Variants in SMARCA4 observed in about 807,000 individuals in gnomAD.
SMARCA4 encodes the protein SWI/SNF related BAF chromatin remodeling complex subunit ATPase 4, also known as SWI/SNF-related matrix-associated actin-dependent regulator of chromatin subfamily A member 4.
Under a neutral mutation model 193.9 loss-of-function variants are expected in SMARCA4, and 31 were observed. The observed-to-expected ratio is 0.16, with a 90% CI of 0.12 to 0.22. The LOEUF (loss-of-function observed/expected upper bound fraction) is 0.22. SMARCA4 is among the 10% of genes least tolerant of loss of function. The probability of loss-of-function intolerance (pLI) is 1.00; values close to 1 mark genes in which losing one functional copy is unlikely to be tolerated. For missense variants in SMARCA4, 1,148 were observed against 2,296.0 expected (o/e 0.50, Z 10.22); for synonymous variants, 942 against 933.1 (o/e 1.01, Z -0.17).
intron 34 of SMARCA4, among the ~76,000 whole-genome samples, chr19:11,061,377 C>T (rs539938769): frequency 1.3e-5 from 2 of 151,430 alleles, no homozygotes; most frequent in South Asian, 2.1e-4. Flanking sequence ...CCGAGAGGGC[C>T]GAGTGTGGTC....
intron 30 of SMARCA4, among the ~76,000 whole-genome samples, chr19:11,048,674 T>C (rs1396393944): frequency 1.3e-5 from 2 of 152,210 alleles, no homozygotes; most frequent in Non-Finnish European, 2.9e-5. Context: ...CACCCGCTGC[T>C]GTGTTGGGGC....
chr19:10,995,797 A>G (rs1204938002), intron 9 of SMARCA4: 2 of 360,004 alleles, frequency 5.6e-6, no homozygotes, highest in Non-Finnish European at 1.1e-5. Flanking sequence ...CTGATCATGA[A>G]GGGGAGCCTC....
intron 29 of SMARCA4, among the ~76,000 whole-genome samples, chr19:11,037,077 A>G (rs539925696): frequency 3.3e-4 from 51 of 152,360 alleles, no homozygotes; most frequent in Non-Finnish European, 6.2e-4. Context: ...TATTACAAAC[A>G]ATACTACCGT....
chr19:10,973,349 G>T (rs141173126), intron 1 of SMARCA4, among the ~76,000 whole-genome samples: 1 of 152,038 alleles, frequency 6.6e-6, no homozygotes, highest in Non-Finnish European at 1.5e-5. Context: ...CTCCCCTAAG[G>T]CAGAGAACCG....
intron 24 of SMARCA4, among the ~76,000 whole-genome samples, chr19:11,029,644 G>A (rs746829128): frequency 6.6e-6 from 1 of 152,240 alleles, no homozygotes; most frequent in African/African-American, 2.4e-5. Context: ...CTGGGCATGT[G>A]TAGGCTGGTG....
At position 11,039,566 on chromosome 19, in the gene SMARCA4, CTGG is replaced by C; in HGVS notation, c.4171-1734_4171-1732del. Reference sequence around the variant, plus strand: ...ACGTGCGTCAAAGGTGGGGAGAGTTCTGGTGGTGGGTGGCGCTGAGGGCTGCAC... The same window carrying C: ...ACGTGCGTCAAAGGTGGGGAGAGTTCTGGTGGGTGGCGCTGAGGGCTGCAC... On this transcript the variant is annotated intron_variant, in intron 29 of 34. Transcript: ENST00000344626. 6.4e-7 allele frequency: 1 copy of C among 1,563,420 alleles called. No homozygotes were observed. Among genetic ancestry groups the C allele is most frequent in the Non-Finnish European group, 8.7e-7 (1 of 1,149,292 alleles).
At chr19:11,039,685 T>A (rs1014356995) in intron 29 of SMARCA4, 5 of 440,910 alleles carry the variant, frequency 1.1e-5, no homozygotes, top group East Asian at 1.1e-4. Context: ...TATAATATAT[T>A]TTTTTAAATG....
chr19:10,999,952 G>A (rs1033944610), intron 11 of SMARCA4, among the ~76,000 whole-genome samples: 3 of 151,788 alleles, frequency 2.0e-5, no homozygotes, highest in Non-Finnish European at 4.4e-5. Flanking sequence ...GGGGCCGGGT[G>A]CGGTGGCTCA....
intron 30 of SMARCA4, among the ~76,000 whole-genome samples, chr19:11,056,829 G>A (rs558260245): frequency 9.1e-4 from 138 of 152,338 alleles, no homozygotes; most frequent in Non-Finnish European, 1.1e-3. Context: ...AGCCTGGCCC[G>A]TCTGCCCCTT....
rs750861625 is a variant in SMARCA4, at chr19:10,989,402, A to G, written c.1204A>G (p.Ile402Val). Residue 402 changes from isoleucine (I) to valine (V), a missense_variant, in exon 7 of 35, where the codon ATT (isoleucine) becomes GTT (valine). Around this residue, in one of 17 missense-constraint regions of SMARCA4, gnomAD observed 69 missense variants for 186.9 expected, o/e 0.37. Transcript: ENST00000344626. Reference sequence around the variant, plus strand: ...CGGGGATTTGCGAACCAAAGCGACCATTGAGCTCAAGGCCCTCAGGCTGCT... The same window carrying G: ...CGGGGATTTGCGAACCAAAGCGACCGTTGAGCTCAAGGCCCTCAGGCTGCT... ...LAGDLRTKATIELKALRLLNF... is the reference protein window; with the variant it reads ...LAGDLRTKATVELKALRLLNF... 1.9e-6 allele frequency: 3 copies of G among 1,614,072 alleles called. No homozygotes were observed. The highest frequency in any genetic ancestry group is 2.2e-5 in the East Asian group (1 of 44,898).
At chr19:11,002,940 G>C (rs1312812746) in intron 11 of SMARCA4, 89 bp from the exon 12 acceptor site, 2 of 1,476,402 alleles carry the variant, frequency 1.4e-6, no homozygotes, top group Non-Finnish European at 1.9e-6. Flanking sequence ...TGTGCAAACA[G>C]TTGAGTGGGT....
At chr19:10,991,575 A>T (rs748386322) in intron 8 of SMARCA4, among the ~76,000 whole-genome samples, 2 of 152,244 alleles carry the variant, frequency 1.3e-5, no homozygotes, top group African/African-American at 2.4e-5. Context: ...TCAAGCCAGG[A>T]TAGAGAGGAA....
chr19:11,000,258 C>T (rs1197520604), intron 11 of SMARCA4, among the ~76,000 whole-genome samples: 1 of 151,416 alleles, frequency 6.6e-6, no homozygotes, highest in African/African-American at 2.4e-5. Flanking sequence ...TACTTTGGAC[C>T]AGGTGTGGTG....
At position 11,058,483 on chromosome 19, in the gene SMARCA4, C is replaced by T. The variant is rs1180741675; in HGVS notation, c.4533+120C>T. 21 of 771,128 alleles carry T rather than the reference C, an allele frequency of 2.7e-5. No individual in the cohort carries two copies. The South Asian group carries it at 2.9e-4, about 11-fold the overall frequency. 47.8% of individuals were successfully genotyped at this position (771,128 alleles called of 1,614,324 possible). The stretch of plus-strand genomic sequence containing the variant: ...TGACCAGAAACCACCTAGGCGGTGC[C>T]TTGGGCTACCTGGTTAGGGACCTGG... On this transcript the variant is annotated intron_variant, in intron 31 of 34. Coordinates refer to ENST00000344626, the MANE Select transcript of SMARCA4 (RefSeq NM_003072.5). This position sits in a 1 kb window ranked among gnomAD's most constrained non-coding sequence, Gnocchi z 5.8.
At chr19:11,027,428 C>G (rs979141356) in intron 23 of SMARCA4, among the ~76,000 whole-genome samples, 4 of 152,182 alleles carry the variant, frequency 2.6e-5, no homozygotes, top group Non-Finnish European at 5.9e-5. Flanking sequence ...CCTGGGGCTT[C>G]TTTATCGGGC....
chr19:11,050,467 C>T (rs569782496), intron 30 of SMARCA4, among the ~76,000 whole-genome samples: 22 of 152,358 alleles, frequency 1.4e-4, no homozygotes, highest in African/African-American at 4.6e-4. Context: ...ACAGCCCAGA[C>T]GCCAGCACTG....
intron 23 of SMARCA4, among the ~76,000 whole-genome samples, chr19:11,027,035 G>T (rs2090315280): frequency 1.3e-5 from 2 of 152,170 alleles, no homozygotes; most frequent in Admixed American, 1.3e-4. Flanking sequence ...ACTCCTTTAA[G>T]CCCCTAATGG....
At chr19:10,978,088 C>T (rs1476915346) in intron 1 of SMARCA4, among the ~76,000 whole-genome samples, 1 of 152,202 alleles carries the variant, frequency 6.6e-6, no homozygotes, top group African/African-American at 2.4e-5. Flanking sequence ...GCTGAGGCCC[C>T]TACCTCCTGG....
chr19:10,993,957 T>C lies in SMARCA4; in HGVS notation c.1420-871T>C, dbSNP rs182016918. ...GCGCCCTGCCGCCAGTGCTGAGTTTTATCATCAGAGAGAGAAACCCAACCG... is the reference window on the plus strand; with the variant it reads ...GCGCCCTGCCGCCAGTGCTGAGTTTCATCATCAGAGAGAGAAACCCAACCG... On this transcript the variant is annotated intron_variant, in intron 8 of 34. Coordinates refer to ENST00000344626, the MANE Select transcript of SMARCA4 (RefSeq NM_003072.5). 7.6e-4 allele frequency among the ~76,000 whole-genome samples: 115 copies of C among 152,310 alleles called. 1 individual carries two copies. Among genetic ancestry groups the C allele is most frequent in the African/African-American group, 2.5e-3 (104 of 41,558 alleles).
Sources: gnomAD v4.1 joint callset for allele counts (sites outside exome capture counted in the v4.1 genomes callset) on GRCh38, gnomAD v4.1.1 for gene constraint, gnomAD v4.1.1 regional missense constraint, Gnocchi (gnomAD v3.1) non-coding constraint, MANE v1.5 for transcripts, NCBI Gene and HGNC (gene_info 2026-07-23, HGNC 2026-07-21) for gene names.